The following SVIL variants were observed in gnomAD, a reference collection of about 807,000 sequenced individuals.
SVIL encodes the protein supervillin, also known as archvillin.
Under a neutral mutation model 240.4 loss-of-function variants are expected in SVIL, and 101 were observed. That is an observed-to-expected ratio of 0.42 (90% CI 0.36 to 0.50). The LOEUF (loss-of-function observed/expected upper bound fraction) is 0.50. Among genes scored for constraint, SVIL ranks in the 20% least tolerant of loss-of-function variants. The pLI is 0.01. For missense variants in SVIL, 2,512 were observed against 2,818.7 expected, an observed-to-expected ratio of 0.89 and a Z score of 2.46; for synonymous variants, 999 against 1,100.0, an observed-to-expected ratio of 0.91 and a Z score of 1.82.
chr10:29,719,872 G>A (rs1486851689), intron 1 of SVIL, among the ~76,000 whole-genome samples: 4 of 152,120 alleles, frequency 2.6e-5, no homozygotes, highest in Non-Finnish European at 5.9e-5. Context: ...TCCACATGGG[G>A]GGCACAGAGG....
intron 3 of SVIL, among the ~76,000 whole-genome samples, chr10:29,640,571 G>C (rs1958451203): frequency 6.6e-6 from 1 of 152,104 alleles, no homozygotes; most frequent in African/African-American, 2.4e-5. Flanking sequence ...TGGAACTCAA[G>C]AGAAATCAAG....
At chr10:29,723,083 T>A (rs1238905528) in intron 1 of SVIL, among the ~76,000 whole-genome samples, 1 of 152,198 alleles carries the variant, frequency 6.6e-6, no homozygotes, top group Non-Finnish European at 1.5e-5. Flanking sequence ...CATAAATATT[T>A]ATAAATGTAG....
chr10:29,626,753 G>A (rs1470782962), intron 1 of SVIL, among the ~76,000 whole-genome samples: 1 of 152,206 alleles, frequency 6.6e-6, no homozygotes, highest in Non-Finnish European at 1.5e-5. Context: ...GGCTGGGCGC[G>A]GTGGCTCAGG....
rs774346299 is a variant in SVIL, at chr10:29,493,292, C to T, written c.3941G>A (p.Ser1314Asn). ...ACTTCTTGGCATATTATAATCCACGCTGCGGTAAAATTTGGCAAAGGTTTC... is the reference window on the plus strand; with the variant it reads ...ACTTCTTGGCATATTATAATCCACGTTGCGGTAAAATTTGGCAAAGGTTTC... ...DDETFAKFYR[S>N]VDYNMPRSPV... Residue 1314 changes from serine (S) to asparagine (N), a missense_variant, in exon 21 of 38, where the codon AGC (serine) becomes AAC (asparagine). Coordinates refer to ENST00000355867, the MANE Select transcript of SVIL (RefSeq NM_021738.3). 2 of 1,614,116 alleles carry T rather than the reference C, an allele frequency of 1.2e-6. No homozygotes were observed. The highest frequency in any genetic ancestry group is 1.7e-6 in the Non-Finnish European group (2 of 1,180,024).
chr10:29,513,429 G>A (rs1404668634), intron 16 of SVIL, among the ~76,000 whole-genome samples: 4 of 152,178 alleles, frequency 2.6e-5, no homozygotes, highest in East Asian at 3.9e-4. Context: ...ATTAGCCAGC[G>A]GGAGGCTGAG....
chr10:29,486,479 C>A lies in SVIL; in HGVS notation c.4564G>T (p.Gly1522Ter). 1.2e-6 allele frequency: 2 copies of A among 1,614,118 alleles called. No individual in the cohort carries two copies. The highest frequency in any genetic ancestry group is 1.7e-6 in the Non-Finnish European group (2 of 1,180,022). ...GCTGCATGAGTGTGTGTATTAATTC[C>A]TTCTTCAATGGTTTGGATATAAGTA... ...RATYIQTIEE[G>*]INTHTHAAKD... is the part of the protein sequence containing the mutation. The change falls in exon 25 of 38, where the codon GGA (glycine) becomes TGA (stop). Residue 1522 changes from glycine (G) to a stop codon, truncating the protein, a stop_gained. Coordinates refer to ENST00000355867, the MANE Select transcript of SVIL (RefSeq NM_021738.3). LOFTEE classifies it high-confidence loss of function.
At chr10:29,714,425 A>T (rs1963492095) in intron 1 of SVIL, among the ~76,000 whole-genome samples, 1 of 152,222 alleles carries the variant, frequency 6.6e-6, no homozygotes, top group South Asian at 2.1e-4. Flanking sequence ...AGTCTTTCCT[A>T]ATTTCTAATA....
intron 6 of SVIL, among the ~76,000 whole-genome samples, chr10:29,549,478 T>A (rs1327295920): frequency 1.6e-5 from 2 of 122,942 alleles, no homozygotes; most frequent in Non-Finnish European, 3.5e-5. Context: ...ACCTCAGGGA[T>A]CTAGAACTAG....
At chr10:29,706,381 G>T (rs949614834) in intron 1 of SVIL, among the ~76,000 whole-genome samples, 1 of 152,108 alleles carries the variant, frequency 6.6e-6, no homozygotes, top group Non-Finnish European at 1.5e-5. Context: ...ATCTCATTGT[G>T]GTTTTAATTT....
At position 29,554,786 on chromosome 10, in the gene SVIL, T is replaced by C. The variant is rs762726430; in HGVS notation, c.157A>G (p.Ile53Val). The stretch of plus-strand genomic sequence containing the variant: ...GGCCACCCAGCTCCACGCTCACCGA[T>C]GTGGGGGCTGGCAGGGTCGCTGGCT... ...MRASDPASPHIGRSNEEEETS... is the reference protein window; with the variant it reads ...MRASDPASPHVGRSNEEEETS... Residue 53 changes from isoleucine (I) to valine (V), a missense_variant, in exon 5 of 38, where the codon ATC becomes GTC. Ile to Val is a conservative substitution (Grantham distance 29). Around this residue, in one of 3 missense-constraint regions of SVIL, gnomAD observed 1,443 missense variants for 1,486.6 expected, o/e 0.97. Coordinates refer to ENST00000355867, the MANE Select transcript of SVIL (RefSeq NM_021738.3). The C allele has an allele frequency of 6.3e-7, 1 of 1,594,882 alleles. No homozygotes were observed.
intron 3 of SVIL, among the ~76,000 whole-genome samples, 190 bp from the exon 4 acceptor site, chr10:29,555,298 G>A (rs1016634309): frequency 6.8e-6 from 1 of 146,374 alleles, no homozygotes; most frequent in Admixed American, 7.0e-5. Context: ...GATGCCAAAT[G>A]AATAAGAGTG....
At chr10:29,656,660 A>T (rs569632830) in intron 3 of SVIL, among the ~76,000 whole-genome samples, 1 of 152,312 alleles carries the variant, frequency 6.6e-6, no homozygotes, top group East Asian at 1.9e-4. Context: ...ATTGCTTCCA[A>T]GCCCCTTCTG....
chr10:29,547,073 C>T (rs181061585), intron 6 of SVIL, among the ~76,000 whole-genome samples: 2 of 152,224 alleles, frequency 1.3e-5, no homozygotes, highest in East Asian at 3.9e-4. Flanking sequence ...TCTTTTGTTA[C>T]TGTTTTGGGT....
At chr10:29,496,354 T>C (rs1343859614) in intron 18 of SVIL, 1 of 453,098 alleles carries the variant, frequency 2.2e-6, no homozygotes, top group Non-Finnish European at 4.4e-6. Context: ...AGATGATAAA[T>C]AAAATCTGGT....
chr10:29,479,536 A>G (rs7096224), intron 29 of SVIL, among the ~76,000 whole-genome samples: 14,481 of 152,214 alleles, frequency 0.095, 875 homozygotes, highest in Non-Finnish European at 0.13. Flanking sequence ...AGCGAGGCCC[A>G]CCTGCTGGCT....
chr10:29,470,329 G>A lies in SVIL; in HGVS notation c.5790C>T (p.Ala1930=), dbSNP rs769896231. 3 of 1,614,062 alleles carry A rather than the reference G, an allele frequency of 1.9e-6. No individual in the cohort carries two copies. Among genetic ancestry groups the A allele is most frequent in the Non-Finnish European group, 2.5e-6 (3 of 1,180,036 alleles). The part of the protein sequence containing the change: ...ALIYLWHGCK[A]QAHTKEVGRT... ...TTCCGACCTCCTTCGTGTGGGCCTG[G>A]GCTTTGCATCCGTGCCACAGGTAGA... The change falls in exon 32 of 38, where the codon GCC becomes GCT. Residue 1930 remains alanine (A), a synonymous_variant. Coordinates refer to ENST00000355867, the MANE Select transcript of SVIL (RefSeq NM_021738.3).
rs1330703474 is a variant in SVIL at position 29,697,794 on chromosome 10, T to TA, written c.-399-11144dup. 819 of 209,814 alleles carry TA rather than the reference T, an allele frequency of 3.9e-3. 2 individuals are homozygous for TA. Among genetic ancestry groups the TA allele is most frequent in the Middle Eastern group, 6.1e-3 (4 of 652 alleles). The allele number at this position is 209,814 out of a possible 1,614,324, so 13.0% of individuals were successfully genotyped here. On this transcript the variant is annotated intron_variant, in intron 1 of 35. Transcript: ENST00000375400. ...TGAGAAACACCCAAGAATGATCAAT[T>TA]AAAAAAAAAATAAAATTAAAAAGAA...
chr10:29,575,009 G>T (rs1375510213), intron 1 of SVIL, among the ~76,000 whole-genome samples: 1 of 152,190 alleles, frequency 6.6e-6, no homozygotes, highest in Non-Finnish European at 1.5e-5. Context: ...AGAAGCAATT[G>T]ATTATTATTT....
rs1010407755 is a variant in SVIL at position 29,470,167 on chromosome 10, T to C, written c.5843+109A>G. 9 of 1,277,386 alleles carry C rather than the reference T, an allele frequency of 7.0e-6. No homozygotes were observed. The East Asian group carries it at 1.7e-4, about 24-fold the overall frequency. 79.1% of individuals were successfully genotyped at this position (1,277,386 alleles called of 1,614,324 possible). On this transcript the variant is annotated intron_variant, in intron 32 of 37. Coordinates refer to ENST00000355867, the MANE Select transcript of SVIL (RefSeq NM_021738.3). ...CGTTCCCAGCCATCCTTTGCTGCAG[T>C]CACTTTCAGCACCCTGGGATCTGCT...
Sources: gnomAD v4.1 joint callset for allele counts (sites outside exome capture counted in the v4.1 genomes callset) on GRCh38, gnomAD v4.1.1 for gene constraint, gnomAD v4.1.1 regional missense constraint, MANE v1.5 for transcripts, NCBI Gene and HGNC (gene_info 2026-07-23, HGNC 2026-07-21) for gene names.